Variants in UVRAG observed in about 807,000 individuals in gnomAD.
UVRAG encodes the protein UV radiation resistance associated.
Under a neutral mutation model 78.0 loss-of-function variants are expected in UVRAG, and 19 were observed. The ratio of observed to expected loss-of-function variants is 0.24; its 90% confidence interval spans 0.17 to 0.36. The LOEUF (loss-of-function observed/expected upper bound fraction) is 0.36. Among genes scored for constraint, UVRAG ranks in the 10% least tolerant of loss-of-function variants. The pLI, the probability that UVRAG is intolerant of heterozygous loss-of-function variation, is 1.00. For synonymous variants in UVRAG, 323 were observed against 324.6 expected, an observed-to-expected ratio of 1.00 and a Z score of 0.05; for missense variants, 740 against 853.8, an observed-to-expected ratio of 0.87 and a Z score of 1.66.
intron 12 of UVRAG, 92 bp downstream of exon 12, chr11:76,017,072 T>C: frequency 1.0e-6 from 1 of 966,072 alleles, no homozygotes; most frequent in Non-Finnish European, 1.4e-6. Context: ...ATCTAAATTA[T>C]GACAACTTTT....
chr11:76,118,684 TA>T (rs1310052832), intron 14 of UVRAG, among the ~76,000 whole-genome samples: 1 of 152,224 alleles, frequency 6.6e-6, no homozygotes, highest in Non-Finnish European at 1.5e-5. Flanking sequence ...TCATGTGTAT[TA>T]TTTTTTCCTA....
At chr11:76,037,440 C>G (rs978791261) in intron 12 of UVRAG, among the ~76,000 whole-genome samples, 1 of 151,586 alleles carries the variant, frequency 6.6e-6, no homozygotes, top group Non-Finnish European at 1.5e-5. Context: ...CAGTGGCTCA[C>G]GCCTGTAATC....
At chr11:76,125,895 T>A (rs1952378325) in intron 14 of UVRAG, among the ~76,000 whole-genome samples, 1 of 152,116 alleles carries the variant, frequency 6.6e-6, no homozygotes, top group Admixed American at 6.5e-5. Flanking sequence ...ACCAACACTT[T>A]TCAATAGAAA....
chr11:75,917,684 ACTC>A (rs748940681), intron 6 of UVRAG, among the ~76,000 whole-genome samples: 1 of 151,562 alleles, frequency 6.6e-6, no homozygotes, highest in African/African-American at 2.4e-5. Flanking sequence ...TCGCGTTAAT[ACTC>A]CTCTTCCTTT....
chr11:76,010,783 A>T (rs1212144747), intron 11 of UVRAG, among the ~76,000 whole-genome samples: 1 of 152,102 alleles, frequency 6.6e-6, no homozygotes, highest in Admixed American at 6.6e-5. Flanking sequence ...GACAGTAAAG[A>T]CCAGACGTGT....
intron 8 of UVRAG, among the ~76,000 whole-genome samples, chr11:75,989,833 TCC>T (rs1949571855): frequency 6.6e-6 from 1 of 152,274 alleles, no homozygotes; most frequent in African/African-American, 2.4e-5. Flanking sequence ...TTTTATGGTA[TCC>T]TTCTCAGTGC....
At chr11:75,994,327 T>A (rs1367889175) in intron 8 of UVRAG, among the ~76,000 whole-genome samples, 1 of 152,190 alleles carries the variant, frequency 6.6e-6, no homozygotes, top group Non-Finnish European at 1.5e-5. Flanking sequence ...CTCTGAAAGC[T>A]AAGTAGGGCA....
intron 13 of UVRAG, among the ~76,000 whole-genome samples, chr11:76,072,939 C>G (rs1354414882): frequency 6.6e-6 from 1 of 152,108 alleles, no homozygotes; most frequent in East Asian, 1.9e-4. Flanking sequence ...CATAATAATA[C>G]TAAGACATTT....
intron 1 of UVRAG, among the ~76,000 whole-genome samples, chr11:75,822,073 T>C (rs1945404483): frequency 6.6e-6 from 1 of 151,720 alleles, no homozygotes; most frequent in African/African-American, 2.4e-5. Context: ...ACCTCCTGAG[T>C]AGCTGGGATT....
chr11:75,927,968 G>A (rs1176567906), intron 6 of UVRAG, among the ~76,000 whole-genome samples: 1 of 152,152 alleles, frequency 6.6e-6, no homozygotes, highest in Non-Finnish European at 1.5e-5. Flanking sequence ...CAGGCTTGGT[G>A]GCACATGCCT....
chr11:75,904,219 A>G lies in UVRAG; in HGVS notation c.508-7735A>G, dbSNP rs76162518. On this transcript the variant is annotated intron_variant, in intron 5 of 14. Transcript: ENST00000356136. ...GACTTGCCTGGAATTACTCCTGCTC[A>G]TTGGATATGTTAAATTATCTATTTC... Among the ~76,000 whole-genome samples, 759 of 152,324 alleles carry G rather than the reference A, an allele frequency of 5.0e-3. 7 individuals carry two copies. The highest frequency in any genetic ancestry group is 0.017 in the African/African-American group (716 of 41,578).
chr11:75,847,103 G>GTA (rs1424723727), intron 1 of UVRAG, among the ~76,000 whole-genome samples: 1 of 151,896 alleles, frequency 6.6e-6, no homozygotes, highest in Non-Finnish European at 1.5e-5. Flanking sequence ...GGGATTACAG[G>GTA]TATGGGCCAC....
intron 6 of UVRAG, among the ~76,000 whole-genome samples, chr11:75,951,557 T>G (rs1336055128): frequency 2.0e-5 from 3 of 152,162 alleles, no homozygotes; most frequent in Non-Finnish European, 4.4e-5. Context: ...TAATTTTGTA[T>G]TTTTAGTAGA....
chr11:76,056,442 G>A (rs935598856), intron 12 of UVRAG, among the ~76,000 whole-genome samples: 20 of 152,198 alleles, frequency 1.3e-4, no homozygotes, highest in African/African-American at 4.8e-4. Context: ...TCCGTAGAGC[G>A]TAATGTACAT....
intron 8 of UVRAG, among the ~76,000 whole-genome samples, chr11:76,003,288 T>TTTTTTTTTTG (rs1491521163): frequency 2.9e-4 from 18 of 62,550 alleles, no homozygotes; most frequent in African/African-American, 1.1e-3. Flanking sequence ...TTTTTTTTTT[T>TTTTTTTTTTG]GGAGACAGAG....
chr11:76,073,364 T>C (rs1951350110), intron 13 of UVRAG, among the ~76,000 whole-genome samples: 1 of 152,172 alleles, frequency 6.6e-6, no homozygotes, highest in Non-Finnish European at 1.5e-5. Context: ...TAGACTTAAG[T>C]ATTTGGCAAA....
chr11:75,999,215 C>T (rs150152462), intron 8 of UVRAG, among the ~76,000 whole-genome samples: 36 of 134,336 alleles, frequency 2.7e-4, no homozygotes, highest in Non-Finnish European at 4.1e-4. Context: ...CCTGGGTGAC[C>T]GGGCAAGACT....
chr11:75,948,413 A>T (rs1948622443), intron 6 of UVRAG, among the ~76,000 whole-genome samples: 1 of 152,158 alleles, frequency 6.6e-6, no homozygotes, highest in Non-Finnish European at 1.5e-5. Context: ...TGCGGATAAG[A>T]GCATTGGGAA....
chr11:75,922,249 G>T (rs1947994873), intron 6 of UVRAG, among the ~76,000 whole-genome samples: 1 of 151,808 alleles, frequency 6.6e-6, no homozygotes, highest in African/African-American at 2.4e-5. Flanking sequence ...TCTTTATATG[G>T]TCATTTGGCT....
Sources: allele counts gnomAD v4.1 joint callset (sites outside exome capture counted in the v4.1 genomes callset), GRCh38; gene constraint gnomAD v4.1.1; transcripts MANE v1.5; gene names NCBI Gene and HGNC (gene_info 2026-07-23, HGNC 2026-07-21).